The following NALCN variants were observed in gnomAD, a reference collection of about 807,000 sequenced individuals.
NALCN encodes the protein sodium leak channel, non-selective.
Under a neutral mutation model 225.3 loss-of-function variants are expected in NALCN, and 111 were observed. The observed-to-expected ratio is 0.49, with a 90% CI of 0.42 to 0.58. The LOEUF is 0.58. Among genes scored for constraint, NALCN ranks in the 20% least tolerant of loss-of-function variants. The pLI, the probability that NALCN is intolerant of heterozygous loss-of-function variation, is 0.00. For synonymous variants in NALCN, 764 were observed against 769.0 expected (o/e 0.99, Z 0.11); for missense variants, 1,378 against 2,202.4 (o/e 0.63, Z 7.49).
intron 11 of NALCN, among the ~76,000 whole-genome samples, chr13:101,248,982 C>A (rs975491000): frequency 6.6e-6 from 1 of 152,000 alleles, no homozygotes; most frequent in African/African-American, 2.4e-5. Context: ...GCCCTGGAAC[C>A]CCCTGAGCTT....
At chr13:101,345,598 G>A (rs1319331159) in intron 6 of NALCN, among the ~76,000 whole-genome samples, 178 bp from the exon 7 acceptor site, 2 of 151,324 alleles carry the variant, frequency 1.3e-5, no homozygotes, top group Non-Finnish European at 2.9e-5. Flanking sequence ...CCAGGGGTTC[G>A]AGGTTGCAGT....
intron 17 of NALCN, among the ~76,000 whole-genome samples, chr13:101,135,640 A>G (rs1005457588): frequency 2.6e-5 from 4 of 152,090 alleles, no homozygotes; most frequent in Non-Finnish European, 5.9e-5. Flanking sequence ...GTGATCCGCC[A>G]GCCTTGGCCT....
intron 13 of NALCN, among the ~76,000 whole-genome samples, chr13:101,224,707 A>G (rs1366090003): frequency 6.6e-6 from 1 of 152,082 alleles, no homozygotes; most frequent in Admixed American, 6.6e-5. Flanking sequence ...TTCAGAGATT[A>G]TTTCACTTCC....
intron 13 of NALCN, among the ~76,000 whole-genome samples, chr13:101,193,453 T>C (rs2039763825): frequency 1.3e-5 from 2 of 152,190 alleles, no homozygotes. Flanking sequence ...CAATTAATTG[T>C]TAAATGAACC....
intron 9 of NALCN, among the ~76,000 whole-genome samples, chr13:101,289,064 T>C (rs982087052): frequency 2.0e-5 from 3 of 152,182 alleles, no homozygotes; most frequent in African/African-American, 7.2e-5. Context: ...CACTAAAAAG[T>C]TGTGGCCTGG....
chr13:101,127,368 T>C (rs1284539824), intron 17 of NALCN, among the ~76,000 whole-genome samples: 2 of 152,124 alleles, frequency 1.3e-5, no homozygotes, highest in Non-Finnish European at 2.9e-5. Flanking sequence ...TTGTTTTGTT[T>C]TGTTTTTTGA....
At chr13:101,179,071 T>G (rs967097830) in intron 14 of NALCN, among the ~76,000 whole-genome samples, 4 of 152,178 alleles carry the variant, frequency 2.6e-5, no homozygotes, top group Non-Finnish European at 5.9e-5. Flanking sequence ...TTGACTGGAC[T>G]CCATGGATGT....
At position 101,103,321 on chromosome 13, in the gene NALCN, A is replaced by G; in HGVS notation, c.2908T>C (p.Cys970Arg). The G allele has an allele frequency of 6.2e-7, 1 of 1,611,806 alleles. No homozygotes were observed. The highest frequency in any genetic ancestry group is 1.1e-5 in the South Asian group (1 of 90,532). ...FIYLVSLIFL[C>R]WMPQNVPAES... ...GCAGGTACATTTTGAGGCATCCAAC[A>G]AAGAAATATCAAGCTCACCTAAAGG... The change falls in exon 26 of 44, where the codon TGT (cysteine) becomes CGT (arginine). Residue 970 changes from cysteine to arginine, a missense_variant. By Grantham distance (180) the Cys-to-Arg change is radical. Coordinates refer to ENST00000251127, the MANE Select transcript of NALCN (RefSeq NM_052867.4).
At chr13:101,279,624 G>A (rs979197353) in intron 10 of NALCN, among the ~76,000 whole-genome samples, 12 of 150,514 alleles carry the variant, frequency 8.0e-5, no homozygotes, top group Non-Finnish European at 1.6e-4. Context: ...AGACCATCCC[G>A]GCTAAAACGG....
chr13:101,322,507 A>T (rs529393662), intron 7 of NALCN, among the ~76,000 whole-genome samples: 3 of 152,336 alleles, frequency 2.0e-5, no homozygotes, highest in Admixed American at 1.3e-4. Flanking sequence ...ATTTTTAAAC[A>T]GACTATCAAA....
intron 15 of NALCN, among the ~76,000 whole-genome samples, chr13:101,147,036 A>G (rs2037383487): frequency 6.6e-6 from 1 of 152,190 alleles, no homozygotes; most frequent in Non-Finnish European, 1.5e-5. Flanking sequence ...TAGATGTATC[A>G]GGACTGGTAT....
At chr13:101,377,963 G>A (rs112987608) in intron 4 of NALCN, among the ~76,000 whole-genome samples, 43 of 152,044 alleles carry the variant, frequency 2.8e-4, no homozygotes, top group South Asian at 2.3e-3. Context: ...TTTAATGTAC[G>A]TTCCCCATCA....
At position 101,110,544 on chromosome 13, in the gene NALCN, G is replaced by A. The variant is rs144973089; in HGVS notation, c.2364+75C>T. The A allele has an allele frequency of 3.2e-3, 4,618 of 1,453,830 alleles. 17 individuals are homozygous for A. Among genetic ancestry groups the A allele is most frequent in the Non-Finnish European group, 4.0e-3 (4,164 of 1,038,342 alleles). The allele number at this position is 1,453,830 out of a possible 1,614,324, so 90.1% of individuals were successfully genotyped here. A position where few individuals can be genotyped will look rare whatever the true frequency, so the allele number is the denominator to read the frequency against. On this transcript the variant is annotated intron_variant, in intron 20 of 43. Coordinates refer to ENST00000251127, the MANE Select transcript of NALCN (RefSeq NM_052867.4). Reference sequence around the variant, plus strand: ...TGGGAATGCAGCAGAAAGACACTGGGCATTGTCTAAGCAGTCATTTAAATA... The same window carrying A: ...TGGGAATGCAGCAGAAAGACACTGGACATTGTCTAAGCAGTCATTTAAATA...
intron 6 of NALCN, among the ~76,000 whole-genome samples, chr13:101,354,517 A>C (rs75133267): frequency 0.021 from 3,237 of 152,280 alleles, 125 homozygotes; most frequent in African/African-American, 0.074. Flanking sequence ...TAGGAACTGG[A>C]AACTACAGGG....
intron 1 of NALCN, among the ~76,000 whole-genome samples, chr13:101,408,077 C>T (rs937174341): frequency 9.9e-5 from 15 of 152,126 alleles, no homozygotes; most frequent in Admixed American, 9.8e-4. Context: ...CTGTGATAAA[C>T]CACGAGGGAG....
intron 3 of NALCN, among the ~76,000 whole-genome samples, chr13:101,380,207 C>T (rs957075895): frequency 6.6e-6 from 1 of 151,604 alleles, no homozygotes; most frequent in African/African-American, 2.4e-5. Flanking sequence ...TCTTGGACCA[C>T]AGTGTAATAA....
rs921527554 is a variant in NALCN at position 101,083,134 on chromosome 13, G to A, written c.3648C>T (p.Ile1216=). 2 of 1,613,988 alleles carry A rather than the reference G, an allele frequency of 1.2e-6. No homozygotes were observed. The highest frequency in any genetic ancestry group is 1.3e-5 in the African/African-American group (1 of 74,914). The stretch of plus-strand genomic sequence containing the variant: ...CCGACTGGGCCAGGACGAGTAATGC[G>A]ATTGTCCTCTTAAAAAATGGATGCT... ...ITQHPFFKRT[I]ALLVLAQSVL... Residue 1216 remains isoleucine, a synonymous_variant, in exon 32 of 44, where the codon ATC becomes ATT. Coordinates refer to ENST00000251127, the MANE Select transcript of NALCN (RefSeq NM_052867.4).
At position 101,182,133 on chromosome 13, in the gene NALCN, C is replaced by CAAA. The variant is rs34387567; in HGVS notation, c.1765-5762_1765-5760dup. 4.0e-3 allele frequency among the ~76,000 whole-genome samples: 292 copies of CAAA among 73,142 alleles called. 6 individuals are homozygous for CAAA. Among genetic ancestry groups the CAAA allele is most frequent in the Non-Finnish European group, 4.5e-3 (194 of 43,332 alleles). 48.0% of individuals were successfully genotyped at this position (73,142 alleles called of 152,430 possible). Reference sequence around the variant, plus strand: ...TGGGCAACAGAGCGAGACTCCATCTCAAAAAAAAAAAAAAAAAAAAAAAAG... The same window carrying CAAA: ...TGGGCAACAGAGCGAGACTCCATCTCAAAAAAAAAAAAAAAAAAAAAAAAAAAG... On this transcript the variant is annotated intron_variant, in intron 14 of 43. Transcript: ENST00000251127.
intron 7 of NALCN, among the ~76,000 whole-genome samples, chr13:101,328,923 A>G (rs1414019433): frequency 2.0e-5 from 3 of 152,152 alleles, no homozygotes; most frequent in Admixed American, 2.0e-4. Flanking sequence ...CTACCCCATG[A>G]CAGGTGAATA....
Sources: gnomAD v4.1 joint callset for allele counts (sites outside exome capture counted in the v4.1 genomes callset) on GRCh38, gnomAD v4.1.1 for gene constraint, MANE v1.5 for transcripts, NCBI Gene and HGNC (gene_info 2026-07-23, HGNC 2026-07-21) for gene names.